The following SFMBT2 variants were observed in gnomAD, a reference collection of about 807,000 sequenced individuals.
SFMBT2 encodes Scm like with four mbt domains 2.
SFMBT2 carries 38 observed loss-of-function variants against 110.1 expected under a neutral mutation model. That is an observed-to-expected ratio of 0.35 (90% CI 0.27 to 0.45). The LOEUF is 0.45. SFMBT2 is among the 20% of genes least tolerant of loss of function. The pLI is 1.00. For synonymous variants in SFMBT2, 425 were observed against 425.4 expected, an observed-to-expected ratio of 1.00 and a Z score of 0.01; for missense variants, 1,011 against 1,094.9, an observed-to-expected ratio of 0.92 and a Z score of 1.08.
chr10:7,347,365 G>A (rs985985609), intron 4 of SFMBT2, among the ~76,000 whole-genome samples: 1 of 152,156 alleles, frequency 6.6e-6, no homozygotes, highest in Non-Finnish European at 1.5e-5. Flanking sequence ...TTGAGCCACA[G>A]CATTTTAGGG....
At chr10:7,257,783 T>TA (rs1444109125) in intron 7 of SFMBT2, among the ~76,000 whole-genome samples, 1 of 152,146 alleles carries the variant, frequency 6.6e-6, no homozygotes, top group East Asian at 1.9e-4. Flanking sequence ...GCCACTTTAT[T>TA]AGATAAATAC....
chr10:7,242,509 T>C (rs1184538572), intron 9 of SFMBT2, among the ~76,000 whole-genome samples: 1 of 152,218 alleles, frequency 6.6e-6, no homozygotes, highest in Non-Finnish European at 1.5e-5. Flanking sequence ...CAGTGACTGG[T>C]AAACTGTGTT....
intron 7 of SFMBT2, among the ~76,000 whole-genome samples, chr10:7,260,520 C>T (rs1366877599): frequency 6.6e-6 from 1 of 152,216 alleles, no homozygotes; most frequent in East Asian, 1.9e-4. Context: ...CCCCTCTTCC[C>T]TATGCTGCTT....
intron 9 of SFMBT2, 96 bp downstream of exon 9, chr10:7,243,462 C>G: frequency 2.0e-5 from 16 of 785,082 alleles, no homozygotes; most frequent in Non-Finnish European, 3.5e-5. Flanking sequence ...ACCCTTTACA[C>G]AACCAGCCTC....
At chr10:7,233,259 A>T (rs879521693) in intron 9 of SFMBT2, among the ~76,000 whole-genome samples, 1 of 152,182 alleles carries the variant, frequency 6.6e-6, no homozygotes, top group Non-Finnish European at 1.5e-5. Context: ...GTGGAACTTT[A>T]AAAAACCACT....
At chr10:7,368,359 A>T in intron 3 of SFMBT2, 1 of 985,380 alleles carries the variant, frequency 1.0e-6, no homozygotes, top group Admixed American at 6.1e-5. Flanking sequence ...TTTTTAATTA[A>T]GGGTGATAGT....
intron 4 of SFMBT2, among the ~76,000 whole-genome samples, chr10:7,291,898 T>C (rs190021266): frequency 7.9e-5 from 12 of 152,282 alleles, no homozygotes; most frequent in Admixed American, 7.8e-4. Context: ...CATGGAACCC[T>C]GTGATTTTCA....
At chr10:7,205,336 C>T in intron 12 of SFMBT2, 1 of 901,818 alleles carries the variant, frequency 1.1e-6, no homozygotes, top group Non-Finnish European at 1.3e-6. Context: ...AAGCATTCTC[C>T]TGCCTTGGCC....
At chr10:7,232,317 C>A (rs111665950) in intron 9 of SFMBT2, among the ~76,000 whole-genome samples, 2 of 152,098 alleles carry the variant, frequency 1.3e-5, no homozygotes, top group African/African-American at 2.4e-5. Flanking sequence ...AAAAAAAACT[C>A]CTACCCTTTG....
intron 4 of SFMBT2, among the ~76,000 whole-genome samples, chr10:7,308,115 G>A (rs1842747566): frequency 6.6e-6 from 1 of 152,184 alleles, no homozygotes; most frequent in Admixed American, 6.5e-5. Context: ...TGAGACTCAG[G>A]AGGCTGAAGC....
chr10:7,280,545 G>C (rs1041274405), intron 6 of SFMBT2, among the ~76,000 whole-genome samples: 4 of 152,216 alleles, frequency 2.6e-5, no homozygotes, highest in African/African-American at 9.6e-5. Context: ...AGAAATAGGA[G>C]AGCAGGTGGG....
intron 12 of SFMBT2, chr10:7,205,574 T>G: frequency 1.0e-6 from 1 of 985,430 alleles, no homozygotes; most frequent in Non-Finnish European, 1.2e-6. Context: ...ATTTCAGATA[T>G]TTTTCCTCTG....
intron 4 of SFMBT2, among the ~76,000 whole-genome samples, chr10:7,321,761 G>T (rs766231458): frequency 3.3e-5 from 5 of 152,200 alleles, no homozygotes; most frequent in Non-Finnish European, 5.9e-5. Context: ...ACTACTTGAA[G>T]GCAGGGGTTT....
At chr10:7,238,263 T>G (rs1338066117) in intron 9 of SFMBT2, among the ~76,000 whole-genome samples, 2 of 152,158 alleles carry the variant, frequency 1.3e-5, no homozygotes, top group South Asian at 4.1e-4. Flanking sequence ...GGTGAGACTC[T>G]GAAAATGTGG....
At chr10:7,407,939 G>C (rs991495865) in intron 1 of SFMBT2, among the ~76,000 whole-genome samples, 1 of 152,212 alleles carries the variant, frequency 6.6e-6, no homozygotes, top group Non-Finnish European at 1.5e-5. Context: ...CCAGAGCGGT[G>C]GTCGGCCGGG....
intron 4 of SFMBT2, among the ~76,000 whole-genome samples, chr10:7,312,618 C>T (rs1038490049): frequency 6.6e-6 from 1 of 152,176 alleles, no homozygotes; most frequent in African/African-American, 2.4e-5. Flanking sequence ...ACATAAACAT[C>T]CAGCAATAAT....
chr10:7,186,709 C>G (rs565837239), intron 16 of SFMBT2, among the ~76,000 whole-genome samples: 1 of 152,274 alleles, frequency 6.6e-6, no homozygotes, highest in African/African-American at 2.4e-5. Flanking sequence ...GATGCCAGCT[C>G]TCTCTCCTCC....
At chr10:7,286,765 C>T (rs1842103301) in intron 4 of SFMBT2, among the ~76,000 whole-genome samples, 1 of 152,056 alleles carries the variant, frequency 6.6e-6, no homozygotes, top group African/African-American at 2.4e-5. Flanking sequence ...TGGAGCCAAT[C>T]CCCCAACAGA....
intron 15 of SFMBT2, among the ~76,000 whole-genome samples, chr10:7,195,193 C>G (rs1838729120): frequency 6.6e-6 from 1 of 152,210 alleles, no homozygotes; most frequent in Non-Finnish European, 1.5e-5. Context: ...CTCTAGGGTC[C>G]TATTTCCGAT....
Sources: allele counts gnomAD v4.1 joint callset (sites outside exome capture counted in the v4.1 genomes callset), GRCh38; gene constraint gnomAD v4.1.1; transcripts MANE v1.5; gene names NCBI Gene and HGNC (gene_info 2026-07-23, HGNC 2026-07-21).